ARMC9: variants seen among roughly 807,000 people sequenced by gnomAD.
ARMC9 encodes the protein lisH domain-containing protein ARMC9.
ARMC9 carries 94 observed loss-of-function variants against 107.0 expected under a neutral mutation model. The ratio of observed to expected loss-of-function variants is 0.88; its 90% CI spans 0.74 to 1.04. The LOEUF (loss-of-function observed/expected upper bound fraction) is 1.04. Among genes scored for constraint, ARMC9 ranks in the 50% least tolerant of loss-of-function variants. The pLI, the probability that ARMC9 is intolerant of heterozygous loss-of-function variation, is 0.00. For missense variants in ARMC9, 942 were observed against 1,030.1 expected, an observed-to-expected ratio of 0.91 and a Z score of 1.17; for synonymous variants, 380 against 396.9, an observed-to-expected ratio of 0.96 and a Z score of 0.51.
In ARMC9 at chr2:231,376,062, A is replaced by G. The variant is rs2046187371; in HGVS notation, c.*4527A>G. Among the ~76,000 whole-genome samples, 1 of 152,238 alleles carries G rather than the reference A, an allele frequency of 6.6e-6. No homozygotes were observed. Among genetic ancestry groups the G allele is most frequent in the Admixed American group, 6.5e-5 (1 of 15,286 alleles). On this transcript the variant is annotated 3_prime_UTR_variant, in exon 25 of 25. Coordinates refer to ENST00000611582, the MANE Select transcript of ARMC9 (RefSeq NM_001352754.2). ...TGGACACTTATCACTTCCCCAGTCAATACCCTTGTGATTTCCTATGCCTGT... is the reference window on the plus strand; with the variant it reads ...TGGACACTTATCACTTCCCCAGTCAGTACCCTTGTGATTTCCTATGCCTGT...
At chr2:231,243,412 CAAAA>C (rs1228373810) in intron 9 of ARMC9, among the ~76,000 whole-genome samples, 8 of 152,038 alleles carry the variant, frequency 5.3e-5, no homozygotes, top group Admixed American at 2.0e-4. Flanking sequence ...GAGCCTGTCT[CAAAA>C]GAAAGAAAAA....
At chr2:231,233,568 G>A (rs1047407982) in intron 7 of ARMC9, among the ~76,000 whole-genome samples, 3 of 152,064 alleles carry the variant, frequency 2.0e-5, no homozygotes, top group African/African-American at 7.2e-5. Context: ...CCTGAGGTCG[G>A]GAGTTCAAGA....
At chr2:231,202,063 G>A (rs2031103798) in intron 1 of ARMC9, among the ~76,000 whole-genome samples, 1 of 149,322 alleles carries the variant, frequency 6.7e-6, no homozygotes, top group East Asian at 2.0e-4. Context: ...GCAATGGCAC[G>A]ATCTCGGCTC....
intron 9 of ARMC9, among the ~76,000 whole-genome samples, chr2:231,244,400 T>C (rs2036573447): frequency 6.7e-6 from 1 of 148,914 alleles, no homozygotes; most frequent in Admixed American, 6.9e-5. Context: ...AGGGTCTCGC[T>C]CTGTTACCCA....
chr2:231,242,294 G>T (rs1214292984), intron 9 of ARMC9, among the ~76,000 whole-genome samples: 1 of 152,124 alleles, frequency 6.6e-6, no homozygotes, highest in Non-Finnish European at 1.5e-5. Context: ...AGAGCAGGCG[G>T]CCTTGACCAC....
intron 20 of ARMC9, among the ~76,000 whole-genome samples, chr2:231,337,521 G>A (rs1301997226): frequency 2.4e-5 from 3 of 124,894 alleles, no homozygotes; most frequent in African/African-American, 1.0e-4. Context: ...CCAGGCTGGA[G>A]TTCAGTGGCG....
At chr2:231,227,615 T>G (rs2034771558) in intron 7 of ARMC9, among the ~76,000 whole-genome samples, 1 of 152,208 alleles carries the variant, frequency 6.6e-6, no homozygotes. Flanking sequence ...CCTGTTTCTT[T>G]TTAGGGAGTG....
At chr2:231,331,972 T>A (rs1481181132) in intron 20 of ARMC9, 75 bp downstream of exon 20, 69 of 1,250,242 alleles carry the variant, frequency 5.5e-5, no homozygotes, top group Non-Finnish European at 4.6e-6. Context: ...GTGTTTTCAG[T>A]GACACAGAGG....
At chr2:231,302,437 G>GTTTTTTTTTTTTTTTT (rs56032700) in intron 19 of ARMC9, among the ~76,000 whole-genome samples, 2 of 58,072 alleles carry the variant, frequency 3.4e-5, no homozygotes, top group African/African-American at 5.6e-5. Context: ...TTGTGGGTTT[G>GTTTTTTTTTTTTTTTT]TTTTTTTTTT....
chr2:231,289,063 A>G (rs1278425451), intron 17 of ARMC9, among the ~76,000 whole-genome samples: 1 of 152,212 alleles, frequency 6.6e-6, no homozygotes, highest in Non-Finnish European at 1.5e-5. Context: ...TACCTGACCT[A>G]AATTATCTGA....
chr2:231,344,744 CT>C (rs2044713617), intron 20 of ARMC9, among the ~76,000 whole-genome samples: 1 of 152,098 alleles, frequency 6.6e-6, no homozygotes, highest in Admixed American at 6.6e-5. Flanking sequence ...TAGGGTTTGA[CT>C]TTGTTTTAAT....
At chr2:231,354,263 TAAAAAAAAAA>T (rs759691541) in intron 21 of ARMC9, among the ~76,000 whole-genome samples, 12 of 100,474 alleles carry the variant, frequency 1.2e-4, no homozygotes, top group East Asian at 5.5e-4. Context: ...CATCTCCATT[TAAAAAAAAAA>T]AAAAAAAAAA....
intron 14 of ARMC9, among the ~76,000 whole-genome samples, chr2:231,273,284 G>A (rs1339531535): frequency 6.6e-6 from 1 of 152,176 alleles, no homozygotes; most frequent in Non-Finnish European, 1.5e-5. Flanking sequence ...CATTTTCAAA[G>A]CATCATTGGA....
intron 20 of ARMC9, among the ~76,000 whole-genome samples, chr2:231,342,573 C>T (rs73994575): frequency 2.7e-3 from 415 of 151,904 alleles, no homozygotes; most frequent in African/African-American, 9.3e-3. Flanking sequence ...GGTCCTCTGG[C>T]ATGAGGGACA....
At chr2:231,237,490 T>C (rs1200502130) in intron 8 of ARMC9, among the ~76,000 whole-genome samples, 1 of 151,804 alleles carries the variant, frequency 6.6e-6, no homozygotes, top group Non-Finnish European at 1.5e-5. Context: ...ATTCTAAAAG[T>C]GGAATTGCTA....
chr2:231,262,808 C>T (rs1195738343), intron 12 of ARMC9, among the ~76,000 whole-genome samples: 1 of 152,136 alleles, frequency 6.6e-6, no homozygotes, highest in Non-Finnish European at 1.5e-5. Context: ...GATAGGTCTA[C>T]TGATCCTGTG....
intron 6 of ARMC9, among the ~76,000 whole-genome samples, chr2:231,224,141 A>G (rs570703737): frequency 2.6e-5 from 4 of 152,296 alleles, no homozygotes; most frequent in South Asian, 2.1e-4. Flanking sequence ...TTAAAAATAT[A>G]TTAGTATACT....
intron 3 of ARMC9, among the ~76,000 whole-genome samples, chr2:231,210,795 C>G (rs188867462): frequency 1.4e-3 from 216 of 152,306 alleles, no homozygotes; most frequent in African/African-American, 5.0e-3. Flanking sequence ...ATCATGTTAA[C>G]TATTCTTATG....
chr2:231,244,636 C>T (rs1292365444), intron 9 of ARMC9, among the ~76,000 whole-genome samples: 2 of 152,330 alleles, frequency 1.3e-5, no homozygotes, highest in East Asian at 3.9e-4. Context: ...TCCCAAAATG[C>T]TGGGATTACA....
Sources: gnomAD v4.1 joint callset for allele counts (sites outside exome capture counted in the v4.1 genomes callset) on GRCh38, gnomAD v4.1.1 for gene constraint, MANE v1.5 for transcripts, NCBI Gene and HGNC (gene_info 2026-07-23, HGNC 2026-07-21) for gene names.